B3GALT1: variants seen among roughly 807,000 people sequenced by gnomAD.
The protein encoded by B3GALT1 is beta-1,3-galactosyltransferase 1, also known as UDP-Gal:betaGlcNAc beta 1,3-galactosyltransferase, polypeptide 1.
B3GALT1 carries 10 observed loss-of-function variants against 23.2 expected under a neutral mutation model. The observed-to-expected ratio is 0.43, with a 90% CI of 0.27 to 0.73. The LOEUF is 0.73. Ranked by LOEUF, B3GALT1 falls within the 30% of genes least tolerant of loss-of-function variation. The pLI is 0.21. For synonymous variants in B3GALT1, 156 were observed against 141.5 expected, an observed-to-expected ratio of 1.10 and a Z score of -0.73; for missense variants, 299 against 405.4, an observed-to-expected ratio of 0.74 and a Z score of 2.25.
At chr2:167,504,137 T>G (rs1474745482) in intron 2 of B3GALT1, among the ~76,000 whole-genome samples, 3 of 143,870 alleles carry the variant, frequency 2.1e-5, no homozygotes, top group Non-Finnish European at 4.5e-5. Context: ...CATGAAGAAG[T>G]TAAAATACTC....
At chr2:167,482,968 T>C (rs1699581210) in intron 1 of B3GALT1, among the ~76,000 whole-genome samples, 1 of 152,206 alleles carries the variant, frequency 6.6e-6, no homozygotes, top group African/African-American at 2.4e-5. Flanking sequence ...TGTTTGCCTT[T>C]TGCTATCTCT....
At chr2:167,502,052 A>ATGG (rs1423109240) in intron 2 of B3GALT1, among the ~76,000 whole-genome samples, 1 of 152,186 alleles carries the variant, frequency 6.6e-6, no homozygotes, top group Non-Finnish European at 1.5e-5. Flanking sequence ...ATAAAAGACC[A>ATGG]TGGTGGTTCG....
intron 1 of B3GALT1, among the ~76,000 whole-genome samples, chr2:167,332,644 C>A (rs1266415666): frequency 6.6e-6 from 1 of 152,232 alleles, no homozygotes; most frequent in Non-Finnish European, 1.5e-5. Context: ...TCTCTCAGAT[C>A]AGAAACCGCA....
chr2:167,604,890 C>T (rs965967348), intron 2 of B3GALT1, among the ~76,000 whole-genome samples: 1 of 152,134 alleles, frequency 6.6e-6, no homozygotes. Flanking sequence ...CAGGGCTACA[C>T]CCTTTAAACA....
chr2:167,715,218 C>T lies in B3GALT1; in HGVS notation c.-352+68252C>T, dbSNP rs911630733. On this transcript the variant is annotated intron_variant, in intron 3 of 4. Transcript: ENST00000392690. ...AAGTTATCATCATCCGTTGTGTCTT[C>T]TTCAAGCACAGCAGCCTGATCTTTC... 3 of 1,613,878 alleles carry T rather than the reference C, an allele frequency of 1.9e-6. No homozygotes were observed. The African/African-American group carries it at 4.0e-5, about 22-fold the overall frequency.
At chr2:167,440,473 A>T (rs984750968) in intron 1 of B3GALT1, among the ~76,000 whole-genome samples, 6 of 152,108 alleles carry the variant, frequency 3.9e-5, no homozygotes, top group Middle Eastern at 3.4e-3. Flanking sequence ...CTGAGGTTTG[A>T]ATTATTCTTT....
chr2:167,460,370 T>C (rs1280021044), intron 1 of B3GALT1, among the ~76,000 whole-genome samples: 1 of 152,178 alleles, frequency 6.6e-6, no homozygotes, highest in Non-Finnish European at 1.5e-5. Context: ...TTTTTTTTCT[T>C]CTCCCTGCTC....
At chr2:167,510,949 TA>T (rs1699995363) in intron 2 of B3GALT1, among the ~76,000 whole-genome samples, 1 of 151,998 alleles carries the variant, frequency 6.6e-6, no homozygotes, top group Non-Finnish European at 1.5e-5. Flanking sequence ...TGAGACTAGA[TA>T]AAAAATGTAA....
chr2:167,633,486 G>A (rs1458350427), intron 2 of B3GALT1, among the ~76,000 whole-genome samples: 9 of 149,262 alleles, frequency 6.0e-5, no homozygotes, highest in Admixed American at 2.7e-4. Flanking sequence ...CAAGCAAATG[G>A]AAAGAAAAAA....
chr2:167,775,891 G>A, intron 3 of B3GALT1, among the ~76,000 whole-genome samples: 1 of 152,094 alleles, frequency 6.6e-6, no homozygotes, highest in East Asian at 1.9e-4. Context: ...TCCGGGAACT[G>A]TCAAAAGACA....
chr2:167,303,369 A>G (rs1421141039), intron 1 of B3GALT1, among the ~76,000 whole-genome samples: 2 of 152,106 alleles, frequency 1.3e-5, no homozygotes, highest in African/African-American at 2.4e-5. Context: ...AACCACTCCT[A>G]CCAGTTTCGT....
chr2:167,623,393 G>T (rs905272401), intron 2 of B3GALT1, among the ~76,000 whole-genome samples: 2 of 152,100 alleles, frequency 1.3e-5, no homozygotes, highest in African/African-American at 4.8e-5. Flanking sequence ...AGAAAATGTG[G>T]CACATATATA....
intron 1 of B3GALT1, among the ~76,000 whole-genome samples, chr2:167,411,194 G>A (rs139227803): frequency 2.8e-3 from 427 of 151,560 alleles, no homozygotes; most frequent in African/African-American, 9.7e-3. Context: ...ATAGACAAAT[G>A]GGATTACATC....
intron 1 of B3GALT1, among the ~76,000 whole-genome samples, chr2:167,357,240 A>G (rs915009521): frequency 8.6e-5 from 13 of 152,024 alleles, no homozygotes; most frequent in Admixed American, 8.5e-4. Context: ...GTTTTCTCCA[A>G]TTAACTTACA....
intron 3 of B3GALT1, among the ~76,000 whole-genome samples, chr2:167,761,789 TAA>T (rs1361435024): frequency 1.3e-5 from 2 of 152,218 alleles, no homozygotes; most frequent in Non-Finnish European, 2.9e-5. Flanking sequence ...CTCCACAGGA[TAA>T]AAAGACTCTT....
chr2:167,488,080 T>G (rs1699653524), intron 1 of B3GALT1, among the ~76,000 whole-genome samples: 1 of 152,226 alleles, frequency 6.6e-6, no homozygotes. Context: ...AATTTGACTT[T>G]GAAAAGTATT....
chr2:167,705,284 C>T (rs1196907078), intron 3 of B3GALT1, among the ~76,000 whole-genome samples: 1 of 152,170 alleles, frequency 6.6e-6, no homozygotes, highest in Non-Finnish European at 1.5e-5. Flanking sequence ...CTTATGATAG[C>T]TATTATAGCA....
rs150446919 is a variant in B3GALT1 at position 167,707,763 on chromosome 2, G to A, written c.-352+60797G>A. On this transcript the variant is annotated intron_variant, in intron 3 of 4. Transcript: ENST00000392690. ...ATCCCCTTTCCATGTAACCTAACAC[G>A]TCCACAGATTCCAGGGATTAGCATG... is the stretch of plus-strand genomic sequence containing the variant. 3.0e-4 allele frequency among the ~76,000 whole-genome samples: 45 copies of A among 152,188 alleles called. No individual in the cohort carries two copies. In the East Asian group the frequency reaches 7.9e-3, roughly 27 times the overall value.
At chr2:167,435,383 A>G (rs1341347728) in intron 1 of B3GALT1, among the ~76,000 whole-genome samples, 1 of 149,982 alleles carries the variant, frequency 6.7e-6, no homozygotes, top group African/African-American at 2.4e-5. Context: ...AAAATAGGAA[A>G]AAGGGAAGAA....
Sources: gnomAD v4.1 joint callset for allele counts (sites outside exome capture counted in the v4.1 genomes callset) on GRCh38, gnomAD v4.1.1 for gene constraint, MANE v1.5 for transcripts, NCBI Gene and HGNC (gene_info 2026-07-23, HGNC 2026-07-21) for gene names.